BDP1: variants seen among roughly 807,000 people sequenced by gnomAD.
BDP1 encodes transcription factor TFIIIB component B'' homolog.
A neutral mutation model predicts 266.6 loss-of-function variants in BDP1; 169 were observed. The ratio of observed to expected loss-of-function variants is 0.63; its 90% CI spans 0.56 to 0.72. The LOEUF is 0.72. BDP1 is among the 30% of genes least tolerant of loss of function. The pLI is 0.00. For missense variants in BDP1, 3,015 were observed against 3,053.8 expected (o/e 0.99, Z 0.30); for synonymous variants, 1,090 against 1,022.4 (o/e 1.07, Z -1.26).
chr5:71,568,477 CTTTG>C (rs1262773147), downstream of BDP1, among the ~76,000 whole-genome samples: 1 of 152,174 alleles, frequency 6.6e-6, no homozygotes, highest in East Asian at 1.9e-4. Context: ...TCCCCACTGC[CTTTG>C]TTTAAGAGAT....
chr5:71,460,721 A>G (rs1320669403), intron 2 of BDP1, among the ~76,000 whole-genome samples: 1 of 152,064 alleles, frequency 6.6e-6, no homozygotes, highest in Non-Finnish European at 1.5e-5. Flanking sequence ...AAAATGTTTT[A>G]TGGGTTGGGA....
chr5:71,544,556 T>G, intron 31 of BDP1, 49 bp downstream of exon 31: 3 of 1,552,076 alleles, frequency 1.9e-6, no homozygotes, highest in Non-Finnish European at 2.6e-6. Flanking sequence ...GTTTCAGCTA[T>G]AGCCTTAAGT....
intron 30 of BDP1, among the ~76,000 whole-genome samples, chr5:71,542,930 A>C (rs973289283): frequency 6.6e-6 from 1 of 152,096 alleles, no homozygotes; most frequent in African/African-American, 2.4e-5. Context: ...AGAAGTGAAA[A>C]TGTTATGAGC....
At chr5:71,548,141 T>C (rs985071636) in intron 32 of BDP1, among the ~76,000 whole-genome samples, 5 of 151,372 alleles carry the variant, frequency 3.3e-5, no homozygotes, top group Admixed American at 6.6e-5. Flanking sequence ...ACAAAAAAAT[T>C]AGCCAGGTGT....
rs780875683 is a variant in BDP1, at chr5:71,523,950, C to A, written c.5399C>A (p.Pro1800Gln). 3 of 1,612,828 alleles carry A rather than the reference C, an allele frequency of 1.9e-6. No individual in the cohort carries two copies. Among genetic ancestry groups the A allele is most frequent in the South Asian group, 2.2e-5 (2 of 90,960 alleles). ...YLNKLTSCPQ[P>Q]LNETSYSKIA... ...GATTAAATATCTAGCTGTCCACAAC[C>A]GTTAAACGAAACAAGTTACTCTAAA... Residue 1800 changes from proline to glutamine, a missense_variant, in exon 25 of 39, where the codon CCG (proline) becomes CAG (glutamine). Physicochemically the swap from Pro to Gln is moderately conservative, Grantham distance 76 (BLOSUM62 -1). Coordinates refer to ENST00000358731, the MANE Select transcript of BDP1 (RefSeq NM_018429.3).
chr5:71,472,286 C>T (rs1335509277), intron 7 of BDP1, among the ~76,000 whole-genome samples: 1 of 152,152 alleles, frequency 6.6e-6, no homozygotes, highest in East Asian at 1.9e-4. Flanking sequence ...CATGGTGAAA[C>T]CCCGTCTCTA....
intron 15 of BDP1, 99 bp from the exon 16 acceptor site, chr5:71,504,522 A>AT (rs1764457878): frequency 1.8e-6 from 2 of 1,091,810 alleles, no homozygotes; most frequent in Non-Finnish European, 2.6e-6. Flanking sequence ...ATAATGTTGA[A>AT]TTTTTTACCA....
intron 2 of BDP1, among the ~76,000 whole-genome samples, chr5:71,459,522 G>A (rs747685326): frequency 4.6e-5 from 7 of 152,130 alleles, no homozygotes; most frequent in African/African-American, 7.2e-5. Flanking sequence ...AAAAAAAGAC[G>A]AATATAGTTG....
Position 71,479,164 on chromosome 5 carries a change from T to A in BDP1, c.1015-4678T>A, listed in dbSNP as rs554023825. On this transcript the variant is annotated intron_variant, in intron 7 of 38. Transcript: ENST00000358731. ...TTTACGCCATTCTCCTGCCTCAGCC[T>A]CCCGAGTAGCTGGGACCACAGGTGC... Among the ~76,000 whole-genome samples the A allele has an allele frequency of 2.0e-5, 3 of 152,084 alleles. No homozygotes were observed. The East Asian group carries it at 5.8e-4, about 29-fold the overall frequency.
At chr5:71,490,935 G>A in intron 10 of BDP1, 49 bp from the exon 11 acceptor site, 1 of 1,558,250 alleles carries the variant, frequency 6.4e-7, no homozygotes, top group South Asian at 1.2e-5. Flanking sequence ...CTCTAAAAAA[G>A]ATGTTTTTGC....
intron 26 of BDP1, among the ~76,000 whole-genome samples, chr5:71,532,953 C>T (rs1037370111): frequency 1.3e-5 from 2 of 152,200 alleles, no homozygotes; most frequent in African/African-American, 4.8e-5. Flanking sequence ...CCCTCACTGG[C>T]CTGGGGAACC....
downstream of BDP1, among the ~76,000 whole-genome samples, chr5:71,569,653 G>A (rs1744200445): frequency 1.3e-5 from 2 of 152,168 alleles, no homozygotes; most frequent in Non-Finnish European, 2.9e-5. Flanking sequence ...GGCTGAGGTG[G>A]GAGGATCACT....
At chr5:71,530,921 T>C (rs1045327659) in intron 25 of BDP1, among the ~76,000 whole-genome samples, 7 of 152,040 alleles carry the variant, frequency 4.6e-5, no homozygotes, top group African/African-American at 1.7e-4. Flanking sequence ...TTACAAAAAA[T>C]ACAAAAATTA....
chr5:71,463,928 G>T, intron 3 of BDP1, 130 bp from the exon 4 acceptor site: 1 of 581,784 alleles, frequency 1.7e-6, no homozygotes. Flanking sequence ...GGATTGTACT[G>T]TCATTAACGA....
Position 71,509,454 on chromosome 5 carries a change from T to C in BDP1, c.2373-11T>C, listed in dbSNP as rs772954433. ...TAAAACTTGATTGTGTGCCCCCTTT[T>C]TTTTTTATAGCGTTCAAGAGAATAA... is the stretch of plus-strand genomic sequence containing the variant. On this transcript the variant is annotated splice_polypyrimidine_tract_variant and intron_variant, in intron 16 of 38. Coordinates refer to ENST00000358731, the MANE Select transcript of BDP1 (RefSeq NM_018429.3). The C allele has an allele frequency of 7.1e-6, 11 of 1,538,994 alleles. No individual in the cohort carries two copies. In the East Asian group the frequency reaches 1.8e-4, roughly 25 times the overall value.
At chr5:71,558,578 C>G (rs1209670463) in intron 36 of BDP1, among the ~76,000 whole-genome samples, 1 of 151,496 alleles carries the variant, frequency 6.6e-6, no homozygotes, top group Non-Finnish European at 1.5e-5. Flanking sequence ...GTAATCCCAG[C>G]ACTTTGGGAG....
chr5:71,573,349 G>A, the BDP1 span, among the ~76,000 whole-genome samples: 2 of 152,110 alleles, frequency 1.3e-5, no homozygotes, highest in Admixed American at 1.3e-4. Flanking sequence ...CAGAAATAGA[G>A]ACCCCAATAC....
At chr5:71,536,894 C>T (rs980036585) in intron 26 of BDP1, among the ~76,000 whole-genome samples, 8 of 151,786 alleles carry the variant, frequency 5.3e-5, no homozygotes, top group Non-Finnish European at 1.2e-4. Context: ...TTTGGGAGGC[C>T]GAGGCAGGCA....
intron 9 of BDP1, among the ~76,000 whole-genome samples, chr5:71,488,237 C>G (rs1365833934): frequency 1.3e-5 from 2 of 150,454 alleles, no homozygotes; most frequent in Non-Finnish European, 3.0e-5. Flanking sequence ...GCAGTTCTTT[C>G]ACCTCAGCCT....
Sources: allele counts gnomAD v4.1 joint callset (sites outside exome capture counted in the v4.1 genomes callset), GRCh38; gene constraint gnomAD v4.1.1; transcripts MANE v1.5; gene names NCBI Gene and HGNC (gene_info 2026-07-23, HGNC 2026-07-21).